Variants in SPRED3 observed in about 807,000 individuals in gnomAD.
The protein encoded by SPRED3 is sprouty-related, EVH1 domain-containing protein 3.
Under a neutral mutation model 37.6 loss-of-function variants are expected in SPRED3, and 23 were observed. The observed-to-expected ratio is 0.61, with a 90% confidence interval of 0.44 to 0.87. The LOEUF is 0.87. Among genes scored for constraint, SPRED3 ranks in the 40% least tolerant of loss-of-function variants. The pLI, the probability that SPRED3 is intolerant of heterozygous loss-of-function variation, is 0.00. For synonymous variants in SPRED3, 302 were observed against 279.6 expected, an observed-to-expected ratio of 1.08 and a Z score of -0.80; for missense variants, 584 against 618.6, an observed-to-expected ratio of 0.94 and a Z score of 0.59.
In SPRED3 at chr19:38,392,220, ACC is replaced by A; in HGVS notation, c.359_360del (p.Pro120LeufsTer299). ...CTCTCTCCCTGCCCCAGGCTCACTC[ACC>A]CCCTCCTCCTCCTCCTCCTCCTCCT... ...ALAALGRGSLTPSSSSSSSSP... is the reference protein window; with the variant it reads ...ALAALGRGSLXPSSSSSSSSP... On this transcript the variant is annotated frameshift_variant, in exon 4 of 6. Coordinates refer to ENST00000691638, the MANE Select transcript of SPRED3 (RefSeq NM_001394336.1). LOFTEE classifies it high-confidence loss of function. 6.3e-7 allele frequency: 1 copy of A among 1,582,228 alleles called. No individual in the cohort carries two copies. Among genetic ancestry groups the A allele is most frequent in the Non-Finnish European group, 8.6e-7 (1 of 1,164,162 alleles).
rs1970844817 is a variant in SPRED3, at chr19:38,392,425, G to T, written c.423+137G>T. ...ACAAAATTGGGCCGGAACTATGAGTGTCAATTCAATCCCAGTTATTCTAGT... is the reference window on the plus strand; with the variant it reads ...ACAAAATTGGGCCGGAACTATGAGTTTCAATTCAATCCCAGTTATTCTAGT... On this transcript the variant is annotated intron_variant, in intron 4 of 5. Coordinates refer to ENST00000691638, the MANE Select transcript of SPRED3 (RefSeq NM_001394336.1). 4.2e-6 allele frequency: 4 copies of T among 950,490 alleles called. No homozygotes were observed. In the East Asian group the frequency reaches 1.1e-4, roughly 26 times the overall value. 58.9% of individuals were successfully genotyped at this position (950,490 alleles called of 1,614,324 possible). A position where few individuals can be genotyped will look rare whatever the true frequency, so the allele number is the denominator to read the frequency against.
Position 38,397,874 on chromosome 19 carries a change from C to T in SPRED3, c.*1729C>T. 6.6e-6 allele frequency: 1 copy of T among 150,448 alleles called. No homozygotes were observed. Among genetic ancestry groups the T allele is most frequent in the Non-Finnish European group, 1.5e-5 (1 of 67,996 alleles). 9.3% of individuals were successfully genotyped at this position (150,448 alleles called of 1,614,324 possible). A position where few individuals can be genotyped will look rare whatever the true frequency, so the allele number is the denominator to read the frequency against. ...TCGCTTAAGGCCAGGAGTTTGAGAC[C>T]AGCCTGGGCAATGTAGTGAGACCGT... On this transcript the variant is annotated 3_prime_UTR_variant, in exon 6 of 6. Coordinates refer to ENST00000691638, the MANE Select transcript of SPRED3 (RefSeq NM_001394336.1).
At chr19:38,392,653 A>AAAT in intron 4 of SPRED3, 1 of 164,304 alleles carries the variant, frequency 6.1e-6, no homozygotes, top group Non-Finnish European at 1.3e-5. Flanking sequence ...ATTGAAAGTA[A>AAAT]ATGGATGAAC....
chr19:38,393,373 A>C (rs1970856108), intron 4 of SPRED3, among the ~76,000 whole-genome samples: 1 of 128,284 alleles, frequency 7.8e-6, no homozygotes, highest in African/African-American at 3.0e-5. Flanking sequence ...TTTGAGACGG[A>C]ATCTTGCACT....
chr19:38,388,943 A>G (rs1398868210), intron 1 of SPRED3, 136 bp downstream of exon 1: 3 of 393,402 alleles, frequency 7.6e-6, no homozygotes, highest in Non-Finnish European at 9.0e-6. Flanking sequence ...GAGAGTGGGG[A>G]CCCCCCAAAC....
chr19:38,394,892 G>A, intron 5 of SPRED3, 106 bp downstream of exon 5: 1 of 1,381,448 alleles, frequency 7.2e-7, no homozygotes, highest in Non-Finnish European at 9.5e-7. Flanking sequence ...AGATTCCAGG[G>A]GATGGCTGAC....
chr19:38,394,978 T>C (rs1279026961), intron 5 of SPRED3, among the ~76,000 whole-genome samples, 192 bp downstream of exon 5: 1 of 152,156 alleles, frequency 6.6e-6, no homozygotes, highest in Admixed American at 6.5e-5. Context: ...TCTAGGAGGC[T>C]TGGGTGCGGG....
chr19:38,390,181 G>A (rs1970809676), intron 1 of SPRED3, 118 bp from the exon 2 acceptor site: 1 of 1,035,266 alleles, frequency 9.7e-7, no homozygotes, highest in Non-Finnish European at 1.3e-6. Flanking sequence ...GGGTGCAGTG[G>A]ACCTGGACGT....
rs766111457 is a variant in SPRED3 at position 38,394,624 on chromosome 19, G to A, written c.424-19G>A. 3 of 1,581,986 alleles carry A rather than the reference G, an allele frequency of 1.9e-6. No individual in the cohort carries two copies. Among genetic ancestry groups the A allele is most frequent in the African/African-American group, 1.3e-5 (1 of 74,538 alleles). On this transcript the variant is annotated intron_variant, in intron 4 of 5. Coordinates refer to ENST00000691638, the MANE Select transcript of SPRED3 (RefSeq NM_001394336.1). ...GTGCGGGGGCGTGTCCCCGCGCTGA[G>A]GCCGCCAATCTCCTCCAGTCCCACG...
At position 38,394,384 on chromosome 19, in the gene SPRED3, G is replaced by T. The variant is rs200888882; in HGVS notation, c.424-259G>T. On this transcript the variant is annotated intron_variant, in intron 4 of 5. Transcript: ENST00000691638. ...AGCTCTCCCAGTACTTCAGGCATAT[G>T]CTGTGCCCTTGACAGTGGCCCTAAC... 96 of 1,587,886 alleles carry T rather than the reference G, an allele frequency of 6.0e-5. No homozygotes were observed. In the Middle Eastern group the frequency reaches 1.8e-3, roughly 30 times the overall value.
In SPRED3 at chr19:38,394,638, T is replaced by C. The variant is rs764933594; in HGVS notation, c.424-5T>C. The C allele has an allele frequency of 2.7e-5, 43 of 1,592,952 alleles. No individual in the cohort carries two copies. Among genetic ancestry groups the C allele is most frequent in the Non-Finnish European group, 3.5e-5 (41 of 1,174,618 alleles). ...CCCCGCGCTGAGGCCGCCAATCTCC[T>C]CCAGTCCCACGTGGACAGCGACTCC... On this transcript the variant is annotated splice_region_variant and splice_polypyrimidine_tract_variant and intron_variant, in intron 4 of 5. Coordinates refer to ENST00000691638, the MANE Select transcript of SPRED3 (RefSeq NM_001394336.1).
chr19:38,395,322 T>A lies in SPRED3; in HGVS notation c.568-158T>A, dbSNP rs1970881088. On this transcript the variant is annotated intron_variant, in intron 5 of 5. Coordinates refer to ENST00000691638, the MANE Select transcript of SPRED3 (RefSeq NM_001394336.1). The surrounding 1 kb of genome is among the most constrained non-coding windows in gnomAD (Gnocchi z 5.2). Reference sequence around the variant, plus strand: ...TGGGGTTGGTGCGTGGATTCCTCTGTCTGTCCCTGGAGAAAAGTGGGGATT... The same window carrying A: ...TGGGGTTGGTGCGTGGATTCCTCTGACTGTCCCTGGAGAAAAGTGGGGATT... Among the ~76,000 whole-genome samples the A allele has an allele frequency of 6.6e-6, 1 of 152,164 alleles. No individual in the cohort carries two copies. The highest frequency in any genetic ancestry group is 6.5e-5 in the Admixed American group (1 of 15,280).
At position 38,392,960 on chromosome 19, in the gene SPRED3, AACTC is replaced by A. The variant is rs558651984; in HGVS notation, c.423+678_423+681del. Among the ~76,000 whole-genome samples, 12 of 152,276 alleles carry A rather than the reference AACTC, an allele frequency of 7.9e-5. No homozygotes were observed. The South Asian group carries it at 2.5e-3, about 32-fold the overall frequency. On this transcript the variant is annotated intron_variant, in intron 4 of 5. Transcript: ENST00000691638. ...ACACTCAGAAGCCTCCCAGGGCTCCAACTCACTCAAGTAAAGGACAAAGTCCTTA... is the reference window on the plus strand; with the variant it reads ...ACACTCAGAAGCCTCCCAGGGCTCCAACTCAAGTAAAGGACAAAGTCCTTA...
intron 4 of SPRED3, 136 bp from the exon 5 acceptor site, chr19:38,394,507 A>T: frequency 6.5e-7 from 1 of 1,534,682 alleles, no homozygotes; most frequent in Admixed American, 1.7e-5. Context: ...TCACACAACC[A>T]GTCAGTGACA....
At chr19:38,394,365 C>A in intron 4 of SPRED3, 1 of 1,581,106 alleles carries the variant, frequency 6.3e-7, no homozygotes, top group Non-Finnish European at 8.6e-7. Context: ...TTCCAGCTCT[C>A]CCAGTACTTC....
In SPRED3 at chr19:38,396,007, G is replaced by T. The variant is rs1409634758; in HGVS notation, c.1095G>T (p.Ala365=). The part of the protein sequence containing the change: ...ACEPGHPRPA[A]RWAALAALSL... ...AGCCGGGCCACCCGCGCCCCGCCGC[G>T]CGCTGGGCCGCGCTGGCCGCGCTCT... Residue 365 remains alanine, a synonymous_variant, in exon 6 of 6, where the codon GCG becomes GCT. Transcript: ENST00000691638. 10 of 1,375,216 alleles carry T rather than the reference G, an allele frequency of 7.3e-6. No individual in the cohort carries two copies. Among genetic ancestry groups the T allele is most frequent in the Non-Finnish European group, 9.3e-7 (1 of 1,074,454 alleles). The allele number at this position is 1,375,216 out of a possible 1,614,324, so 85.2% of individuals were successfully genotyped here.
intron 1 of SPRED3, among the ~76,000 whole-genome samples, chr19:38,389,074 C>A (rs1194335460): frequency 6.6e-6 from 1 of 152,212 alleles, no homozygotes; most frequent in East Asian, 1.9e-4. Context: ...AGGACCACTC[C>A]CCCCGGGGGA....
intron 4 of SPRED3, among the ~76,000 whole-genome samples, chr19:38,393,873 A>T (rs1970861799): frequency 6.6e-6 from 1 of 152,198 alleles, no homozygotes; most frequent in Non-Finnish European, 1.5e-5. Context: ...AACAAAACTG[A>T]TTCCCTGGGC....
chr19:38,395,684 C>T lies in SPRED3; in HGVS notation c.772C>T (p.Leu258=), dbSNP rs1970886747. The T allele has an allele frequency of 6.7e-7, 1 of 1,488,256 alleles. No individual in the cohort carries two copies. Among genetic ancestry groups the T allele is most frequent in the Admixed American group, 2.3e-5 (1 of 43,072 alleles). The allele number at this position is 1,488,256 out of a possible 1,614,324, so 92.2% of individuals were successfully genotyped here. ...CGCTGCCCTGGGTCCCCCAGCGGCACTACCTGCCCCTTTGACCGAGGCTGC... is the reference window on the plus strand; with the variant it reads ...CGCTGCCCTGGGTCCCCCAGCGGCATTACCTGCCCCTTTGACCGAGGCTGC... ...RGAALGPPAA[L]PAPLTEAAPP... The change falls in exon 6 of 6, where the codon CTA becomes TTA. Residue 258 remains leucine (L), a synonymous_variant. Coordinates refer to ENST00000691638, the MANE Select transcript of SPRED3 (RefSeq NM_001394336.1). This position sits in a 1 kb window ranked among gnomAD's most constrained non-coding sequence, Gnocchi z 5.2.
Sources: allele counts gnomAD v4.1 joint callset (sites outside exome capture counted in the v4.1 genomes callset), GRCh38; gene constraint gnomAD v4.1.1; non-coding constraint Gnocchi (gnomAD v3.1); transcripts MANE v1.5; gene names NCBI Gene and HGNC (gene_info 2026-07-23, HGNC 2026-07-21).